Variants in GORASP1 observed in about 807,000 individuals in gnomAD.
GORASP1 encodes the protein Golgi reassembly-stacking protein 1.
Under a neutral mutation model 37.7 loss-of-function variants are expected in GORASP1, and 31 were observed. The observed-to-expected ratio is 0.82, with a 90% CI of 0.62 to 1.11. The LOEUF (loss-of-function observed/expected upper bound fraction) is 1.11, where lower values mean the gene tolerates loss of function less well. Ranked by LOEUF, GORASP1 falls within the 50% of genes least tolerant of loss-of-function variation. The pLI is 0.00. For missense variants in GORASP1, 476 were observed against 560.7 expected (o/e 0.85, Z 1.53); for synonymous variants, 204 against 224.8 (o/e 0.91, Z 0.83).
chr3:39,102,629 G>T lies in GORASP1; in HGVS notation c.348+49C>A. The T allele has an allele frequency of 1.3e-6, 2 of 1,596,826 alleles. No individual in the cohort carries two copies. Among genetic ancestry groups the T allele is most frequent in the Non-Finnish European group, 8.6e-7 (1 of 1,166,038 alleles). On this transcript the variant is annotated intron_variant, in intron 3 of 8. Transcript: ENST00000319283. The surrounding 1 kb of genome is among the most constrained non-coding windows in gnomAD (Gnocchi z 5.0). Reference sequence around the variant, plus strand: ...CCCGCCCACACCCAGACCTGCCCCAGTAAACTCATCCTTCCGACACACCCT... The same window carrying T: ...CCCGCCCACACCCAGACCTGCCCCATTAAACTCATCCTTCCGACACACCCT...
rs925665500 is a variant in GORASP1 at position 39,103,017 on chromosome 3, G to A, written c.145-136C>T. 1.2e-6 allele frequency: 1 copy of A among 806,264 alleles called. No homozygotes were observed. Among genetic ancestry groups the A allele is most frequent in the Non-Finnish European group, 2.1e-6 (1 of 472,358 alleles). 49.9% of individuals were successfully genotyped at this position (806,264 alleles called of 1,614,324 possible). On this transcript the variant is annotated intron_variant, in intron 2 of 8. Transcript: ENST00000319283. The surrounding 1 kb of genome is among the most constrained non-coding windows in gnomAD (Gnocchi z 5.2). ...CAGGGTCACTGTGGGGATGGGCCAA[G>A]GTAGTGGATGGGCCAGGTTCACAGA...
rs539067400 is a variant in GORASP1 at position 39,098,919 on chromosome 3, G to A, written c.917-26C>T. 2.6e-5 allele frequency: 42 copies of A among 1,612,338 alleles called. No homozygotes were observed. In the East Asian group the frequency reaches 9.4e-4, roughly 36 times the overall value. ...CTAGGGGAGGGTGGTGCAGTTCTTT[G>A]CCAGCAAGAAACCCTGACTGCTGGA... On this transcript the variant is annotated intron_variant, in intron 7 of 8. Coordinates refer to ENST00000319283, the MANE Select transcript of GORASP1 (RefSeq NM_031899.4). This position sits in a 1 kb window ranked among gnomAD's most constrained non-coding sequence, Gnocchi z 4.7.
intron 1 of GORASP1, among the ~76,000 whole-genome samples, chr3:39,106,341 C>T (rs997965184): frequency 6.6e-6 from 1 of 152,150 alleles, no homozygotes; most frequent in Non-Finnish European, 1.5e-5. Flanking sequence ...ATCGCCCCAC[C>T]CCTCCTCTTG....
Position 39,107,461 on chromosome 3 carries a change from G to A in GORASP1, c.63+18C>T, listed in dbSNP as rs1291753232. On this transcript the variant is annotated intron_variant, in intron 1 of 8. Transcript: ENST00000319283. Reference sequence around the variant, plus strand: ...CGGGCGCCTCGCCAAGGTCACCGGCGCCGCGGCGGCAACTCACCCCGTGGA... The same window carrying A: ...CGGGCGCCTCGCCAAGGTCACCGGCACCGCGGCGGCAACTCACCCCGTGGA... 6 of 1,331,822 alleles carry A rather than the reference G, an allele frequency of 4.5e-6. No homozygotes were observed. The highest frequency in any genetic ancestry group is 4.8e-6 in the Non-Finnish European group (5 of 1,047,280). 82.5% of individuals were successfully genotyped at this position (1,331,822 alleles called of 1,614,324 possible).
Position 39,101,048 on chromosome 3 carries a change from A to G in GORASP1, c.403T>C (p.Tyr135His). ...ALAGLRPYTD[Y>H]VVGSDQILQE... is the part of the protein sequence containing the mutation. The stretch of plus-strand genomic sequence containing the variant: ...AGAATCTGGTCCGAACCAACCACAT[A>G]GTCTGTGTAGGGGCGCAGGCCGGCA... The change falls in exon 4 of 9, where the codon TAT becomes CAT. Residue 135 changes from tyrosine (Y) to histidine (H), a missense_variant. By Grantham distance (83) the Tyr-to-His change is moderately conservative (BLOSUM62 2). Coordinates refer to ENST00000319283, the MANE Select transcript of GORASP1 (RefSeq NM_031899.4). 1 of 1,614,120 alleles carries G rather than the reference A, an allele frequency of 6.2e-7. No homozygotes were observed. Among genetic ancestry groups the G allele is most frequent in the African/African-American group, 1.3e-5 (1 of 75,028 alleles).
Position 39,102,836 on chromosome 3 carries a change from C to T in GORASP1, c.190G>A (p.Glu64Lys). Residue 64 changes from glutamate to lysine, a missense_variant, in exon 3 of 9, where the codon GAG becomes AAG. By Grantham distance (56) the Glu-to-Lys change is moderately conservative (BLOSUM62 1). Transcript: ENST00000319283. This position sits in a 1 kb window ranked among gnomAD's most constrained non-coding sequence, Gnocchi z 5.0. ...TLKALLKANVEKPVKLEVFNM... is the reference protein window; with the variant it reads ...TLKALLKANVKKPVKLEVFNM... The stretch of plus-strand genomic sequence containing the variant: ...AACACCTCCAGCTTCACGGGCTTCT[C>T]CACATTGGCTTTCAGTAGTGCCTTC... 1 of 1,614,216 alleles carries T rather than the reference C, an allele frequency of 6.2e-7. No individual in the cohort carries two copies. Among genetic ancestry groups the T allele is most frequent in the Non-Finnish European group, 8.5e-7 (1 of 1,180,052 alleles).
chr3:39,102,444 A>C lies in GORASP1; in HGVS notation c.348+234T>G, dbSNP rs530754318. ...AGTAACCTAGGTATAGAAGGTAAGA[A>C]AGTACCCAAAGTCATGGCTAACAGG... On this transcript the variant is annotated intron_variant, in intron 3 of 8. Coordinates refer to ENST00000319283, the MANE Select transcript of GORASP1 (RefSeq NM_031899.4). The surrounding 1 kb of genome is among the most constrained non-coding windows in gnomAD (Gnocchi z 5.0). The C allele has an allele frequency of 3.4e-6, 2 of 591,596 alleles. No individual in the cohort carries two copies. Among genetic ancestry groups the C allele is most frequent in the African/African-American group, 1.9e-5 (1 of 53,872 alleles). The allele number at this position is 591,596 out of a possible 1,614,324, so 36.6% of individuals were successfully genotyped here.
chr3:39,102,583 C>G lies in GORASP1; in HGVS notation c.348+95G>C. ...ACTGCTCCAAGGCTCCCACTCCACT[C>G]CTGCATGTACCCCCTCACACCCCGC... On this transcript the variant is annotated intron_variant, in intron 3 of 8. Coordinates refer to ENST00000319283, the MANE Select transcript of GORASP1 (RefSeq NM_031899.4). The surrounding 1 kb of genome is among the most constrained non-coding windows in gnomAD (Gnocchi z 5.0). The G allele has an allele frequency of 1.6e-6, 2 of 1,240,654 alleles. No individual in the cohort carries two copies. Among genetic ancestry groups the G allele is most frequent in the Non-Finnish European group, 2.3e-6 (2 of 867,268 alleles). The allele number at this position is 1,240,654 out of a possible 1,614,324, so 76.9% of individuals were successfully genotyped here. A position where few individuals can be genotyped will look rare whatever the true frequency, so the allele number is the denominator to read the frequency against.
intron 1 of GORASP1, 40 bp downstream of exon 1, chr3:39,107,439 G>T: frequency 7.9e-7 from 1 of 1,262,704 alleles, no homozygotes; most frequent in South Asian, 2.6e-5. Context: ...GGGGTTGCGG[G>T]CGCCTCGCCA....
In GORASP1 at chr3:39,098,907, G is replaced by A. The variant is rs772410830; in HGVS notation, c.917-14C>T. ...CGTCCAGGAAGCCTAGGGGAGGGTG[G>A]TGCAGTTCTTTGCCAGCAAGAAACC... is the stretch of plus-strand genomic sequence containing the variant. On this transcript the variant is annotated splice_polypyrimidine_tract_variant and intron_variant, in intron 7 of 8. Coordinates refer to ENST00000319283, the MANE Select transcript of GORASP1 (RefSeq NM_031899.4). The surrounding 1 kb of genome is among the most constrained non-coding windows in gnomAD (Gnocchi z 4.7). The A allele has an allele frequency of 3.1e-6, 5 of 1,613,230 alleles. No homozygotes were observed. Among genetic ancestry groups the A allele is most frequent in the South Asian group, 1.1e-5 (1 of 90,892 alleles).
chr3:39,102,873 C>G lies in GORASP1; in HGVS notation c.153G>C (p.Glu51Asp). 3.1e-6 allele frequency: 5 copies of G among 1,614,194 alleles called. No homozygotes were observed. Among genetic ancestry groups the G allele is most frequent in the Non-Finnish European group, 4.2e-6 (5 of 1,180,014 alleles). The change falls in exon 3 of 9, where the codon GAG becomes GAC. Residue 51 changes from glutamate (E) to aspartate (D), a missense_variant. Physicochemically the swap from Glu to Asp is conservative, Grantham distance 45 (BLOSUM62 2). Coordinates refer to ENST00000319283, the MANE Select transcript of GORASP1 (RefSeq NM_031899.4). The surrounding 1 kb of genome is among the most constrained non-coding windows in gnomAD (Gnocchi z 5.0). ...TCAGTAGTGCCTTCAGGGTGTCATT[C>G]TCCTTGTTCTGTGGGGGCAATGGGG... ...ITIGHSRLNK[E>D]NDTLKALLKA...
intron 3 of GORASP1, chr3:39,101,394 C>T (rs927316206): frequency 1.7e-6 from 1 of 573,970 alleles, no homozygotes. Context: ...ACTATAAACA[C>T]ATTATTGAAC....
In GORASP1 at chr3:39,098,273, C is replaced by T; in HGVS notation, c.1286G>A (p.Gly429Glu). The T allele has an allele frequency of 6.2e-7, 1 of 1,614,170 alleles. No individual in the cohort carries two copies. Among genetic ancestry groups the T allele is most frequent in the Non-Finnish European group, 8.5e-7 (1 of 1,180,018 alleles). Residue 429 changes from glycine (G) to glutamate (E), a missense_variant, in exon 9 of 9, where the codon GGG (glycine) becomes GAG (glutamate). Physicochemically the swap from Gly to Glu is moderately conservative, Grantham distance 98. Coordinates refer to ENST00000319283, the MANE Select transcript of GORASP1 (RefSeq NM_031899.4). The surrounding 1 kb of genome is among the most constrained non-coding windows in gnomAD (Gnocchi z 4.7). ...AGAGATCTGGGCCTGGCTGTCCAGCCCCTCAGCCTCCGTCCCAGTATCTAG... is the reference window on the plus strand; with the variant it reads ...AGAGATCTGGGCCTGGCTGTCCAGCTCCTCAGCCTCCGTCCCAGTATCTAG... ...EGLDTGTEAE[G>E]LDSQAQISTT...
Position 39,103,295 on chromosome 3 carries a change from G to A in GORASP1, c.144+178C>T. 5.0e-6 allele frequency: 3 copies of A among 600,080 alleles called. No homozygotes were observed. In the East Asian group the frequency reaches 8.4e-5, roughly 17 times the overall value. The allele number at this position is 600,080 out of a possible 1,614,324, so 37.2% of individuals were successfully genotyped here. On this transcript the variant is annotated intron_variant, in intron 2 of 8. Transcript: ENST00000319283. This position sits in a 1 kb window ranked among gnomAD's most constrained non-coding sequence, Gnocchi z 5.2. ...GTCCACCCCACAGAGCTCAGAAGCT[G>A]AGCACTGGGCAGGGCCCCAGTCAGG...
At chr3:39,104,536 C>T (rs2035917257) in intron 1 of GORASP1, among the ~76,000 whole-genome samples, 1 of 152,248 alleles carries the variant, frequency 6.6e-6, no homozygotes, top group South Asian at 2.1e-4. Context: ...CAGACCCAGC[C>T]CAGAGGGCAC....
At position 39,102,863 on chromosome 3, in the gene GORASP1, G is replaced by C; in HGVS notation, c.163C>G (p.Leu55Val). 1 of 1,614,188 alleles carries C rather than the reference G, an allele frequency of 6.2e-7. No homozygotes were observed. Among genetic ancestry groups the C allele is most frequent in the Non-Finnish European group, 8.5e-7 (1 of 1,180,032 alleles). Residue 55 changes from leucine (L) to valine (V), a missense_variant, in exon 3 of 9, where the codon CTG (leucine) becomes GTG (valine). By Grantham distance (32) the Leu-to-Val change is conservative. Coordinates refer to ENST00000319283, the MANE Select transcript of GORASP1 (RefSeq NM_031899.4). This position sits in a 1 kb window ranked among gnomAD's most constrained non-coding sequence, Gnocchi z 5.0. ...ACATTGGCTTTCAGTAGTGCCTTCA[G>C]GGTGTCATTCTCCTTGTTCTGTGGG... ...HSRLNKENDT[L>V]KALLKANVEK...
rs894551050 is a variant in GORASP1 at position 39,102,556 on chromosome 3, C to A, written c.348+122G>T. 55 of 941,914 alleles carry A rather than the reference C, an allele frequency of 5.8e-5. No individual in the cohort carries two copies. The highest frequency in any genetic ancestry group is 8.9e-5 in the Non-Finnish European group (54 of 608,808). The allele number at this position is 941,914 out of a possible 1,614,324, so 58.3% of individuals were successfully genotyped here. A position where few individuals can be genotyped will look rare whatever the true frequency, so the allele number is the denominator to read the frequency against. On this transcript the variant is annotated intron_variant, in intron 3 of 8. Transcript: ENST00000319283. The surrounding 1 kb of genome is among the most constrained non-coding windows in gnomAD (Gnocchi z 5.0). ...ACATCCTGCCCTCAGTCTTCCCTGG[C>A]CACTGCTCCAAGGCTCCCACTCCAC...
rs2035774581 is a variant in GORASP1, at chr3:39,102,324, C to A, written c.348+354G>T. ...GGTTGACTGAAACGTTGTCATGCAA[C>A]ACACACACGGAGAGACACAGAGAAT... On this transcript the variant is annotated intron_variant, in intron 3 of 8. Coordinates refer to ENST00000319283, the MANE Select transcript of GORASP1 (RefSeq NM_031899.4). The surrounding 1 kb of genome is among the most constrained non-coding windows in gnomAD (Gnocchi z 5.0). 6.6e-6 allele frequency among the ~76,000 whole-genome samples: 1 copy of A among 152,150 alleles called. No homozygotes were observed. Among genetic ancestry groups the A allele is most frequent in the African/African-American group, 2.4e-5 (1 of 41,412 alleles).
chr3:39,098,003 C>T lies in GORASP1; in HGVS notation c.*233G>A. On this transcript the variant is annotated 3_prime_UTR_variant, in exon 9 of 9. Transcript: ENST00000319283. The surrounding 1 kb of genome is among the most constrained non-coding windows in gnomAD (Gnocchi z 4.7). The stretch of plus-strand genomic sequence containing the variant: ...TCTTCACACTGGATTATGACCAGAC[C>T]CTGCTGCCTCCTGGGAAGCCCCAGT... 1.8e-6 allele frequency: 1 copy of T among 566,734 alleles called. No individual in the cohort carries two copies. The highest frequency in any genetic ancestry group is 3.1e-6 in the Non-Finnish European group (1 of 317,532). 35.1% of individuals were successfully genotyped at this position (566,734 alleles called of 1,614,324 possible).
Sources: gnomAD v4.1 joint callset for allele counts (sites outside exome capture counted in the v4.1 genomes callset) on GRCh38, gnomAD v4.1.1 for gene constraint, Gnocchi (gnomAD v3.1) non-coding constraint, MANE v1.5 for transcripts, NCBI Gene and HGNC (gene_info 2026-07-23, HGNC 2026-07-21) for gene names.